USH2A: variants seen among roughly 807,000 people sequenced by gnomAD.
The protein encoded by USH2A is Usher syndrome 2A (autosomal recessive, mild).
In USH2A, 443 loss-of-function variants were observed where a neutral mutation model predicts 538.9. That is an observed-to-expected ratio of 0.82 (90% CI 0.76 to 0.89). USH2A has a LOEUF of 0.89. Among genes scored for constraint, USH2A ranks in the 40% least tolerant of loss-of-function variants. The pLI is 0.00. For missense variants in USH2A, 6,633 were observed against 6,324.8 expected, an observed-to-expected ratio of 1.05 and a Z score of -1.65; for synonymous variants, 2,413 against 2,273.5, an observed-to-expected ratio of 1.06 and a Z score of -1.75.
chr1:215,847,221 A>G (rs368513613), intron 44 of USH2A, among the ~76,000 whole-genome samples: 52 of 152,306 alleles, frequency 3.4e-4, no homozygotes, highest in African/African-American at 1.1e-3. Context: ...TTTCTTAGGT[A>G]GGAAGTATTA....
intron 32 of USH2A, among the ~76,000 whole-genome samples, chr1:216,042,025 A>G (rs951617063): frequency 1.3e-5 from 2 of 152,020 alleles, no homozygotes; most frequent in Admixed American, 1.3e-4. Flanking sequence ...ATGTCAAGAT[A>G]TTTAAAATAG....
chr1:216,007,634 A>G (rs965759919), intron 32 of USH2A, among the ~76,000 whole-genome samples: 1 of 152,232 alleles, frequency 6.6e-6, no homozygotes, highest in African/African-American at 2.4e-5. Context: ...GGCCACAGAA[A>G]ACCTTGTAAA....
chr1:216,404,285 TC>T (rs2039355222), intron 3 of USH2A, among the ~76,000 whole-genome samples: 2 of 152,082 alleles, frequency 1.3e-5, no homozygotes, highest in Non-Finnish European at 2.9e-5. Context: ...TTTGAAAACA[TC>T]AACAAGCTTA....
chr1:215,819,295 T>C (rs985151317), intron 47 of USH2A, among the ~76,000 whole-genome samples: 6 of 151,808 alleles, frequency 4.0e-5, no homozygotes, highest in African/African-American at 1.4e-4. Flanking sequence ...GCCAAATTAC[T>C]GGACCCTATC....
At chr1:216,299,035 G>T (rs755244929) in intron 9 of USH2A, among the ~76,000 whole-genome samples, 8 of 151,928 alleles carry the variant, frequency 5.3e-5, no homozygotes. Context: ...GTAGAGACGG[G>T]GTTTCACCAT....
chr1:216,051,102 T>C (rs189187155), intron 30 of USH2A, among the ~76,000 whole-genome samples: 1 of 152,290 alleles, frequency 6.6e-6, no homozygotes, highest in East Asian at 1.9e-4. Flanking sequence ...TAGCTTTTGT[T>C]TCTCAAGATT....
chr1:215,623,769 A>C lies in USH2A; in HGVS notation c.*2012T>G, dbSNP rs979984774. On this transcript the variant is annotated 3_prime_UTR_variant, in exon 72 of 72. Coordinates refer to ENST00000307340, the MANE Select transcript of USH2A (RefSeq NM_206933.4). Reference sequence around the variant, plus strand: ...CTGTATTTTTTTGTGCGTTGTTAAAATTTTATACTGTGCTTGGAAAAATAC... The same window carrying C: ...CTGTATTTTTTTGTGCGTTGTTAAACTTTTATACTGTGCTTGGAAAAATAC... 1.3e-5 allele frequency: 2 copies of C among 152,186 alleles called. No homozygotes were observed. Among genetic ancestry groups the C allele is most frequent in the Non-Finnish European group, 2.9e-5 (2 of 68,024 alleles). The allele number at this position is 152,186 out of a possible 1,614,324, so 9.4% of individuals were successfully genotyped here.
At chr1:216,228,238 T>C (rs1210586926) in intron 14 of USH2A, among the ~76,000 whole-genome samples, 1 of 151,922 alleles carries the variant, frequency 6.6e-6, no homozygotes, top group Non-Finnish European at 1.5e-5. Flanking sequence ...TGGAAATGGG[T>C]TGCTGGAGTG....
Position 215,888,743 on chromosome 1 carries a change from T to C in USH2A, c.7906A>G (p.Thr2636Ala), listed in dbSNP as rs752549947. The C allele has an allele frequency of 2.2e-5, 35 of 1,613,874 alleles. No homozygotes were observed. The Admixed American group carries it at 4.2e-4, about 19-fold the overall frequency. The change falls in exon 41 of 72, where the codon ACT (threonine) becomes GCT (alanine). Residue 2636 changes from threonine to alanine, a missense_variant. Thr to Ala is a moderately conservative substitution (Grantham distance 58, BLOSUM62 0). Coordinates refer to ENST00000307340, the MANE Select transcript of USH2A (RefSeq NM_206933.4). ...GIPSPELFSD[T>A]PTSVIISWQP... ...CAAGATATAATCACAGATGTTGGAG[T>C]ATCAGAGAACAGCTCTGGACTTGGG...
At chr1:216,102,755 G>A (rs898739965) in intron 21 of USH2A, among the ~76,000 whole-genome samples, 5 of 151,766 alleles carry the variant, frequency 3.3e-5, no homozygotes, top group East Asian at 1.9e-4. Context: ...AGTGGAGATC[G>A]CGCCACTGCA....
At chr1:216,037,306 C>T (rs1362725672) in intron 32 of USH2A, among the ~76,000 whole-genome samples, 2 of 152,076 alleles carry the variant, frequency 1.3e-5, no homozygotes, top group East Asian at 3.9e-4. Context: ...CATTTTAATG[C>T]TAAAGCTTTG....
chr1:216,246,557 C>A, intron 13 of USH2A, 28 bp downstream of exon 13: 1 of 1,613,908 alleles, frequency 6.2e-7, no homozygotes, highest in Non-Finnish European at 8.5e-7. Context: ...TCATTGTGCA[C>A]TGAAAATGTA....
intron 62 of USH2A, among the ~76,000 whole-genome samples, chr1:215,675,976 T>C (rs1658010085): frequency 6.6e-6 from 1 of 152,148 alleles, no homozygotes; most frequent in African/African-American, 2.4e-5. Flanking sequence ...TCTCCTGTTT[T>C]ATGGATATGA....
intron 21 of USH2A, among the ~76,000 whole-genome samples, chr1:216,154,699 T>C (rs925740627): frequency 2.2e-4 from 34 of 152,246 alleles, no homozygotes; most frequent in African/African-American, 7.5e-4. Context: ...TTTGTCACTA[T>C]ACATTAATTA....
chr1:216,046,083 T>G (rs2030508640), intron 32 of USH2A, among the ~76,000 whole-genome samples: 1 of 147,950 alleles, frequency 6.8e-6, no homozygotes, highest in South Asian at 2.2e-4. Context: ...GAGAGATTGG[T>G]TCCAGGACCC....
At chr1:216,008,321 G>T (rs1463356755) in intron 32 of USH2A, among the ~76,000 whole-genome samples, 1 of 151,884 alleles carries the variant, frequency 6.6e-6, no homozygotes, top group Non-Finnish European at 1.5e-5. Flanking sequence ...GCTCATCCTG[G>T]CTCAAAAGCT....
At chr1:215,819,159 C>T (rs911190392) in intron 47 of USH2A, among the ~76,000 whole-genome samples, 1 of 151,782 alleles carries the variant, frequency 6.6e-6, no homozygotes, top group Non-Finnish European at 1.5e-5. Flanking sequence ...ACATAAGAAC[C>T]TTGTCCTTCT....
intron 41 of USH2A, among the ~76,000 whole-genome samples, chr1:215,885,869 C>A (rs1464452704): frequency 6.6e-6 from 1 of 152,142 alleles, no homozygotes; most frequent in Non-Finnish European, 1.5e-5. Context: ...TTGTATTATC[C>A]CCCACCCTAT....
intron 20 of USH2A, among the ~76,000 whole-genome samples, chr1:216,187,938 T>C (rs1383937452): frequency 6.6e-6 from 1 of 151,918 alleles, no homozygotes; most frequent in Non-Finnish European, 1.5e-5. Flanking sequence ...TGGCTAACCA[T>C]TTTTTTCCCC....
Sources: allele counts gnomAD v4.1 joint callset (sites outside exome capture counted in the v4.1 genomes callset), GRCh38; gene constraint gnomAD v4.1.1; transcripts MANE v1.5; gene names NCBI Gene and HGNC (gene_info 2026-07-23, HGNC 2026-07-21).